The following SMYD3 variants were observed in gnomAD, a reference collection of about 807,000 sequenced individuals.
SMYD3 encodes SET and MYND domain containing 3.
A neutral mutation model predicts 57.7 loss-of-function variants in SMYD3; 36 were observed. That is an observed-to-expected ratio of 0.62 (90% CI 0.48 to 0.82). The LOEUF (loss-of-function observed/expected upper bound fraction) is 0.82, where lower values mean the gene tolerates loss of function less well. Among genes scored for constraint, SMYD3 ranks in the 40% least tolerant of loss-of-function variants. The pLI is 0.00. For missense variants in SMYD3, 515 were observed against 538.8 expected (o/e 0.96, Z 0.44); for synonymous variants, 211 against 195.0 (o/e 1.08, Z -0.68).
In SMYD3 at chr1:246,447,644, T is replaced by A. The variant is rs571831236; in HGVS notation, c.164+59410A>T. 2.0e-5 allele frequency among the ~76,000 whole-genome samples: 3 copies of A among 152,260 alleles called. No homozygotes were observed. In the South Asian group the frequency reaches 6.2e-4, roughly 32 times the overall value. ...CTTATAGTCTACAGAAGTATCCACA[T>A]AAGGAGAGCTAGCAGGACACACACA... On this transcript the variant is annotated intron_variant, in intron 1 of 11. Coordinates refer to ENST00000490107, the MANE Select transcript of SMYD3 (RefSeq NM_001167740.2).
intron 8 of SMYD3, among the ~76,000 whole-genome samples, 198 bp downstream of exon 8, chr1:245,915,323 TGGTTAAATC>T (rs910428882): frequency 2.0e-5 from 3 of 152,178 alleles, no homozygotes; most frequent in African/African-American, 7.2e-5. Flanking sequence ...TCCTTACCTT[TGGTTAAATC>T]GGTTAAATCT....
At chr1:246,170,923 T>C (rs879339195) in intron 5 of SMYD3, among the ~76,000 whole-genome samples, 7 of 152,216 alleles carry the variant, frequency 4.6e-5, no homozygotes, top group Non-Finnish European at 8.8e-5. Flanking sequence ...CCTTTCAGTT[T>C]TTTTATATGC....
intron 5 of SMYD3, among the ~76,000 whole-genome samples, chr1:245,968,730 G>T (rs537044837): frequency 1.3e-5 from 2 of 152,248 alleles, no homozygotes; most frequent in South Asian, 2.1e-4. Flanking sequence ...TACCTGTGTT[G>T]CAAGTGTGGA....
At chr1:246,318,715 T>A (rs1385190328) in intron 5 of SMYD3, among the ~76,000 whole-genome samples, 1 of 152,226 alleles carries the variant, frequency 6.6e-6, no homozygotes, top group Non-Finnish European at 1.5e-5. Flanking sequence ...TACACTTAAA[T>A]AGATAAAGCA....
At chr1:245,860,024 C>T (rs1265068792) in intron 9 of SMYD3, among the ~76,000 whole-genome samples, 1 of 152,186 alleles carries the variant, frequency 6.6e-6, no homozygotes, top group Non-Finnish European at 1.5e-5. Context: ...GGGAACATTT[C>T]GTGGCATGCA....
intron 5 of SMYD3, 174 bp downstream of exon 5, chr1:246,327,027 C>G: frequency 1.4e-6 from 1 of 707,600 alleles, no homozygotes; most frequent in Non-Finnish European, 2.3e-6. Flanking sequence ...TCATACCCTT[C>G]TCAATGCACA....
chr1:245,993,642 A>G (rs1208140447), intron 5 of SMYD3, among the ~76,000 whole-genome samples: 1 of 143,388 alleles, frequency 7.0e-6, no homozygotes, highest in African/African-American at 2.6e-5. Context: ...AGACAGACAG[A>G]CAGACAGACA....
chr1:246,196,832 A>G (rs1321676350), intron 5 of SMYD3, among the ~76,000 whole-genome samples: 3 of 152,284 alleles, frequency 2.0e-5, no homozygotes, highest in Admixed American at 1.3e-4. Context: ...CTTGTTTTCT[A>G]AAACTATTCT....
At chr1:246,411,109 A>G (rs1461724192) in intron 1 of SMYD3, among the ~76,000 whole-genome samples, 1 of 151,978 alleles carries the variant, frequency 6.6e-6, no homozygotes, top group African/African-American at 2.4e-5. Flanking sequence ...TGATCTTTTC[A>G]AAAAACCAGC....
At chr1:245,926,141 A>C (rs533200140) in intron 7 of SMYD3, among the ~76,000 whole-genome samples, 1 of 152,270 alleles carries the variant, frequency 6.6e-6, no homozygotes, top group African/African-American at 2.4e-5. Context: ...TGGGGTTCCC[A>C]CCCTGATAAC....
At chr1:246,115,744 C>T (rs1372066164) in intron 5 of SMYD3, among the ~76,000 whole-genome samples, 6 of 152,166 alleles carry the variant, frequency 3.9e-5, no homozygotes, top group Non-Finnish European at 5.9e-5. Context: ...TTTTATACAA[C>T]TAGTGCTCAT....
chr1:246,221,130 T>TA (rs1400297336), intron 5 of SMYD3, among the ~76,000 whole-genome samples: 5 of 151,844 alleles, frequency 3.3e-5, no homozygotes, highest in Non-Finnish European at 7.4e-5. Flanking sequence ...ACGGAACAAC[T>TA]AGCCAAACAG....
chr1:245,829,486 G>C (rs1369465733), intron 10 of SMYD3, among the ~76,000 whole-genome samples: 1 of 152,098 alleles, frequency 6.6e-6, no homozygotes, highest in Non-Finnish European at 1.5e-5. Context: ...GTAATAACAA[G>C]TGGTAGCAAA....
At position 246,202,160 on chromosome 1, in the gene SMYD3, G is replaced by T. The variant is rs1384794131; in HGVS notation, c.531+125041C>A. On this transcript the variant is annotated intron_variant, in intron 5 of 11. Transcript: ENST00000490107. This position sits in a 1 kb window ranked among gnomAD's most constrained non-coding sequence, Gnocchi z 4.1. ...TTTTTATTTAATACTTTTACTTAAC[G>T]ATATTTTCTATAATGTACTTTTATG... 1.3e-5 allele frequency among the ~76,000 whole-genome samples: 2 copies of T among 151,488 alleles called. No individual in the cohort carries two copies. Among genetic ancestry groups the T allele is most frequent in the Non-Finnish European group, 2.9e-5 (2 of 67,952 alleles).
chr1:246,350,417 C>T (rs1463167086), intron 2 of SMYD3, among the ~76,000 whole-genome samples: 1 of 152,108 alleles, frequency 6.6e-6, no homozygotes, highest in African/African-American at 2.4e-5. Flanking sequence ...TGCAGCTAAT[C>T]CAGAAAAGAG....
intron 5 of SMYD3, among the ~76,000 whole-genome samples, chr1:246,271,501 C>A (rs2064221543): frequency 6.6e-6 from 1 of 152,176 alleles, no homozygotes; most frequent in African/African-American, 2.4e-5. Flanking sequence ...GGTCCAACTT[C>A]ATTCTTTTGC....
chr1:246,148,108 G>T (rs1418462050), intron 5 of SMYD3, among the ~76,000 whole-genome samples: 1 of 152,132 alleles, frequency 6.6e-6, no homozygotes, highest in African/African-American at 2.4e-5. Flanking sequence ...AAGGCTGGGG[G>T]CCAGGATGCC....
intron 5 of SMYD3, among the ~76,000 whole-genome samples, chr1:246,197,742 T>C (rs756130373): frequency 6.6e-6 from 1 of 152,184 alleles, no homozygotes; most frequent in Non-Finnish European, 1.5e-5. Context: ...TATATCAATA[T>C]TGGTTCATTA....
chr1:246,348,777 A>C (rs1429471619), intron 2 of SMYD3, among the ~76,000 whole-genome samples: 2 of 110,674 alleles, frequency 1.8e-5, no homozygotes, highest in African/African-American at 7.0e-5. Flanking sequence ...AAATTAAATA[A>C]ATTTGAAACA....
Sources: gnomAD v4.1 joint callset for allele counts (sites outside exome capture counted in the v4.1 genomes callset) on GRCh38, gnomAD v4.1.1 for gene constraint, Gnocchi (gnomAD v3.1) non-coding constraint, MANE v1.5 for transcripts, NCBI Gene and HGNC (gene_info 2026-07-23, HGNC 2026-07-21) for gene names.